Variants in CACNA2D3 observed in about 807,000 individuals in gnomAD.
CACNA2D3 encodes the protein voltage-dependent calcium channel subunit alpha-2/delta-3.
Under a neutral mutation model 160.6 loss-of-function variants are expected in CACNA2D3, and 60 were observed. The ratio of observed to expected loss-of-function variants is 0.37; its 90% CI spans 0.30 to 0.46. The LOEUF is 0.46. Among genes scored for constraint, CACNA2D3 ranks in the 20% least tolerant of loss-of-function variants. The pLI is 1.00. For missense variants in CACNA2D3, 1,205 were observed against 1,365.0 expected (o/e 0.88, Z 1.85); for synonymous variants, 558 against 492.9 (o/e 1.13, Z -1.75).
intron 4 of CACNA2D3, among the ~76,000 whole-genome samples, chr3:54,447,019 C>G (rs926472720): frequency 6.6e-6 from 1 of 150,732 alleles, no homozygotes; most frequent in Non-Finnish European, 1.5e-5. Flanking sequence ...ATCTTGTTAA[C>G]TACATAATAG....
intron 11 of CACNA2D3, among the ~76,000 whole-genome samples, chr3:54,695,910 A>T (rs1700655848): frequency 6.6e-6 from 1 of 152,146 alleles, no homozygotes; most frequent in Non-Finnish European, 1.5e-5. Flanking sequence ...AAATGTTGTG[A>T]AGTCAGATGA....
chr3:54,552,476 T>C (rs1006459331), intron 5 of CACNA2D3, among the ~76,000 whole-genome samples: 1 of 152,196 alleles, frequency 6.6e-6, no homozygotes. Context: ...AGCCAGTAAA[T>C]AGAGTTCAAG....
chr3:55,007,845 A>G lies in CACNA2D3; in HGVS notation c.2819+3A>G, dbSNP rs1260771035. 9.1e-6 allele frequency: 14 copies of G among 1,533,390 alleles called. No homozygotes were observed. In the Admixed American group the frequency reaches 2.8e-4, roughly 31 times the overall value. The allele number at this position is 1,533,390 out of a possible 1,614,324, so 95.0% of individuals were successfully genotyped here. On this transcript the variant is annotated splice_donor_region_variant and intron_variant, in intron 33 of 37. Coordinates refer to ENST00000474759, the MANE Select transcript of CACNA2D3 (RefSeq NM_018398.3). Reference sequence around the variant, plus strand: ...TGGATCATGACAGAACTTGTCTTGTAAGTAAAATCTGCTGCATTTTTTTGA... The same window carrying G: ...TGGATCATGACAGAACTTGTCTTGTGAGTAAAATCTGCTGCATTTTTTTGA...
chr3:54,310,858 C>A (rs1045555714), intron 2 of CACNA2D3, among the ~76,000 whole-genome samples: 1 of 152,188 alleles, frequency 6.6e-6, no homozygotes, highest in Non-Finnish European at 1.5e-5. Flanking sequence ...GAGGTCTGGT[C>A]TCATCCACCT....
intron 27 of CACNA2D3, among the ~76,000 whole-genome samples, chr3:54,930,260 AC>A (rs895139454): frequency 1.3e-5 from 2 of 152,024 alleles, no homozygotes; most frequent in Non-Finnish European, 2.9e-5. Flanking sequence ...AACTCCCACC[AC>A]CCAGGCAAAC....
intron 35 of CACNA2D3, among the ~76,000 whole-genome samples, chr3:55,044,238 G>A (rs564440410): frequency 6.6e-6 from 1 of 152,136 alleles, no homozygotes; most frequent in Non-Finnish European, 1.5e-5. Context: ...CAGTCCATAA[G>A]CATGGTGTAA....
At chr3:54,258,828 A>G (rs899197126) in intron 2 of CACNA2D3, among the ~76,000 whole-genome samples, 3 of 152,202 alleles carry the variant, frequency 2.0e-5, no homozygotes, top group African/African-American at 7.2e-5. Flanking sequence ...TAAATAACCT[A>G]TGATAGCAAA....
intron 4 of CACNA2D3, among the ~76,000 whole-genome samples, chr3:54,491,915 T>C (rs1701116751): frequency 6.6e-6 from 1 of 152,206 alleles, no homozygotes; most frequent in Admixed American, 6.5e-5. Context: ...GGTAGCACCC[T>C]TTCCTCTGGT....
Position 55,033,762 on chromosome 3 carries a change from TA to T in CACNA2D3, c.2987+15446del, listed in dbSNP as rs1256745498. ...TATAATATATATTATATTAAATATATATTATATAATATGTATTATATATTAA... is the reference window on the plus strand; with the variant it reads ...TATAATATATATTATATTAAATATATTTATATAATATGTATTATATATTAA... On this transcript the variant is annotated intron_variant, in intron 35 of 37. Coordinates refer to ENST00000474759, the MANE Select transcript of CACNA2D3 (RefSeq NM_018398.3). Among the ~76,000 whole-genome samples, 4 of 128,924 alleles carry T rather than the reference TA, an allele frequency of 3.1e-5. 1 individual carries two copies. The highest frequency in any genetic ancestry group is 1.1e-4 in the African/African-American group (4 of 35,314). The allele number at this position is 128,924 out of a possible 152,430, so 84.6% of individuals were successfully genotyped here.
chr3:54,627,472 T>G (rs1699148889), intron 9 of CACNA2D3, among the ~76,000 whole-genome samples: 1 of 150,356 alleles, frequency 6.7e-6, no homozygotes, highest in Non-Finnish European at 1.5e-5. Flanking sequence ...AGCGGGAGAG[T>G]AGGGGTAGGA....
chr3:54,783,683 T>C (rs545163167), intron 13 of CACNA2D3, among the ~76,000 whole-genome samples: 1 of 152,166 alleles, frequency 6.6e-6, no homozygotes, highest in Non-Finnish European at 1.5e-5. Flanking sequence ...TCCTGAATTA[T>C]GTTTCCCATA....
At chr3:54,970,579 C>T (rs574116433) in intron 29 of CACNA2D3, among the ~76,000 whole-genome samples, 43 of 119,284 alleles carry the variant, frequency 3.6e-4, no homozygotes, top group African/African-American at 1.4e-3. Context: ...TCCTCCCTTC[C>T]CCTCCCCTCC....
intron 11 of CACNA2D3, among the ~76,000 whole-genome samples, chr3:54,687,073 G>A (rs1205924068): frequency 6.9e-6 from 1 of 145,444 alleles, no homozygotes. Flanking sequence ...CTAAGAAGAA[G>A]CACTCAAAGT....
intron 9 of CACNA2D3, among the ~76,000 whole-genome samples, chr3:54,601,892 A>G (rs537449733): frequency 6.6e-6 from 1 of 152,224 alleles, no homozygotes; most frequent in African/African-American, 2.4e-5. Context: ...TTTAATAGCT[A>G]GCACATCAAA....
At chr3:55,031,560 C>G (rs1169356830) in intron 35 of CACNA2D3, among the ~76,000 whole-genome samples, 1 of 152,136 alleles carries the variant, frequency 6.6e-6, no homozygotes, top group Admixed American at 6.6e-5. Flanking sequence ...TTTTAATGAT[C>G]AGCTTTTCTT....
At chr3:54,325,369 C>CTT (rs1704101151) in intron 3 of CACNA2D3, among the ~76,000 whole-genome samples, 1 of 152,164 alleles carries the variant, frequency 6.6e-6, no homozygotes, top group Admixed American at 6.5e-5. Flanking sequence ...GACAAAAAGA[C>CTT]TTTGGTGAAT....
rs7426447 is a variant in CACNA2D3, at chr3:54,534,550, T to C, written c.545-28250T>C. Among the ~76,000 whole-genome samples the C allele has an allele frequency of 6.4e-3, 970 of 152,184 alleles. 9 individuals are homozygous for C. The highest frequency in any genetic ancestry group is 0.023 in the African/African-American group (938 of 41,494). Reference sequence around the variant, plus strand: ...TGTAATGGTATATGGCCTCTCTCTCTTCATTCGTTCACTCCATTTGTTTAA... The same window carrying C: ...TGTAATGGTATATGGCCTCTCTCTCCTCATTCGTTCACTCCATTTGTTTAA... On this transcript the variant is annotated intron_variant, in intron 5 of 37. Coordinates refer to ENST00000474759, the MANE Select transcript of CACNA2D3 (RefSeq NM_018398.3).
chr3:54,975,581 A>C (rs1351690066), intron 29 of CACNA2D3, among the ~76,000 whole-genome samples: 1 of 150,582 alleles, frequency 6.6e-6, no homozygotes, highest in Non-Finnish European at 1.5e-5. Flanking sequence ...ATGGAAGCTT[A>C]GGCATGTTGT....
At chr3:54,580,105 C>T (rs967223796) in intron 8 of CACNA2D3, among the ~76,000 whole-genome samples, 2 of 152,032 alleles carry the variant, frequency 1.3e-5, no homozygotes, top group Admixed American at 1.3e-4. Flanking sequence ...CACTTACTCT[C>T]TGGTGTCTTT....
Sources: gnomAD v4.1 joint callset for allele counts (sites outside exome capture counted in the v4.1 genomes callset) on GRCh38, gnomAD v4.1.1 for gene constraint, MANE v1.5 for transcripts, NCBI Gene and HGNC (gene_info 2026-07-23, HGNC 2026-07-21) for gene names.